Variants in FAF2 observed in about 807,000 individuals in gnomAD.
The protein encoded by FAF2 is Fas associated factor family member 2.
In FAF2, 9 loss-of-function variants were observed where a neutral mutation model predicts 62.3. The observed-to-expected ratio is 0.14, with a 90% CI of 0.09 to 0.25. FAF2 has a LOEUF of 0.25. Among genes scored for constraint, FAF2 ranks in the 10% least tolerant of loss-of-function variants. The pLI, the probability that FAF2 is intolerant of heterozygous loss-of-function variation, is 1.00. For synonymous variants in FAF2, 202 were observed against 198.0 expected, an observed-to-expected ratio of 1.02 and a Z score of -0.17; for missense variants, 368 against 556.2, an observed-to-expected ratio of 0.66 and a Z score of 3.40.
chr5:176,505,826 T>C (rs901390627), intron 10 of FAF2, among the ~76,000 whole-genome samples: 11 of 152,124 alleles, frequency 7.2e-5, no homozygotes, highest in South Asian at 4.1e-4. Context: ...TATTCCATCA[T>C]ATATATATAT....
intron 1 of FAF2, among the ~76,000 whole-genome samples, chr5:176,467,690 A>G (rs1181914110): frequency 6.6e-6 from 1 of 152,244 alleles, no homozygotes; most frequent in East Asian, 1.9e-4. Context: ...CTTACTGTAT[A>G]CCCAAATTGG....
chr5:176,474,525 C>G (rs1758626235), intron 1 of FAF2, among the ~76,000 whole-genome samples: 1 of 152,178 alleles, frequency 6.6e-6, no homozygotes, highest in South Asian at 2.1e-4. Flanking sequence ...TGTGTTCCAT[C>G]CGGAGAGCCT....
chr5:176,471,273 A>C (rs1344224014), intron 1 of FAF2, among the ~76,000 whole-genome samples: 1 of 152,128 alleles, frequency 6.6e-6, no homozygotes, highest in African/African-American at 2.4e-5. Context: ...GCAAACAGGA[A>C]TGACTTACTT....
At chr5:176,474,036 G>A (rs929203780) in intron 1 of FAF2, among the ~76,000 whole-genome samples, 14 of 152,210 alleles carry the variant, frequency 9.2e-5, no homozygotes, top group Admixed American at 8.5e-4. Flanking sequence ...CCAAGTTCTA[G>A]GCATTGGGTG....
rs1211947693 is a variant in FAF2, at chr5:176,471,704, A to T, written c.64-7484A>T. Among the ~76,000 whole-genome samples, 176 of 106,386 alleles carry T rather than the reference A, an allele frequency of 1.7e-3. 1 individual carries two copies. Among genetic ancestry groups the T allele is most frequent in the African/African-American group, 6.3e-3 (166 of 26,508 alleles). The allele number at this position is 106,386 out of a possible 152,430, so 69.8% of individuals were successfully genotyped here. ...GGCCTCTTTTTTTTTTTTTTTTGAGATGGAGTCTCACTCTGTCTGTCACCT... is the reference window on the plus strand; with the variant it reads ...GGCCTCTTTTTTTTTTTTTTTTGAGTTGGAGTCTCACTCTGTCTGTCACCT... On this transcript the variant is annotated intron_variant, in intron 1 of 10. Transcript: ENST00000261942.
chr5:176,484,308 T>C (rs1261769160), intron 2 of FAF2, among the ~76,000 whole-genome samples: 2 of 152,102 alleles, frequency 1.3e-5, no homozygotes, highest in Non-Finnish European at 1.5e-5. Context: ...AAATAAACAA[T>C]TCATAAGTTT....
chr5:176,468,512 A>C (rs1758509699), intron 1 of FAF2, among the ~76,000 whole-genome samples: 1 of 152,140 alleles, frequency 6.6e-6, no homozygotes. Flanking sequence ...TGAACCCGGG[A>C]GGCGCAGCTT....
At chr5:176,488,507 C>T (rs891975090) in intron 3 of FAF2, among the ~76,000 whole-genome samples, 5 of 152,044 alleles carry the variant, frequency 3.3e-5, no homozygotes, top group African/African-American at 4.8e-5. Flanking sequence ...CTGCAACCTC[C>T]GCCTCCTGGG....
chr5:176,454,577 G>GAAAAAAAAAAAAAAAAAAAAAAA (rs56324116), intron 1 of FAF2, among the ~76,000 whole-genome samples: 1 of 95,326 alleles, frequency 1.0e-5, no homozygotes, highest in African/African-American at 4.3e-5. Context: ...GATTCTGTCT[G>GAAAAAAAAAAAAAAAAAAAAAAA]AAAAAAAAAA....
rs1186212293 is a variant in FAF2 at position 176,464,571 on chromosome 5, T to C, written c.64-14617T>C. Among the ~76,000 whole-genome samples, 4 of 146,796 alleles carry C rather than the reference T, an allele frequency of 2.7e-5. No individual in the cohort carries two copies. The East Asian group carries it at 8.1e-4, about 30-fold the overall frequency. ...ACAGTGGCACAACCATAGCTCACTG[T>C]AGCCTCGACCTCCCGGACTCAAGTG... On this transcript the variant is annotated intron_variant, in intron 1 of 10. Coordinates refer to ENST00000261942, the MANE Select transcript of FAF2 (RefSeq NM_014613.3).
At position 176,492,347 on chromosome 5, in the gene FAF2, C is replaced by T; in HGVS notation, c.483+15C>T. On this transcript the variant is annotated intron_variant, in intron 5 of 10. Coordinates refer to ENST00000261942, the MANE Select transcript of FAF2 (RefSeq NM_014613.3). ...CGTACAGCCAGGTCAGTGCCATAAA[C>T]CATATAGATGCCAACTTACCGAAAT... The T allele has an allele frequency of 6.2e-7, 1 of 1,605,834 alleles. No homozygotes were observed. The highest frequency in any genetic ancestry group is 1.1e-5 in the South Asian group (1 of 90,348).
At chr5:176,477,693 G>A (rs927173277) in intron 1 of FAF2, among the ~76,000 whole-genome samples, 19 of 152,174 alleles carry the variant, frequency 1.2e-4, no homozygotes, top group African/African-American at 9.6e-5. Context: ...CTAAAAATCC[G>A]AATTTCAGTT....
intron 2 of FAF2, among the ~76,000 whole-genome samples, chr5:176,485,383 C>G (rs1758857831): frequency 6.6e-6 from 1 of 152,196 alleles, no homozygotes; most frequent in Non-Finnish European, 1.5e-5. Flanking sequence ...GTTGGTCTTT[C>G]TGGCATGGCC....
chr5:176,487,166 G>A (rs972741694), intron 3 of FAF2, among the ~76,000 whole-genome samples: 2 of 152,090 alleles, frequency 1.3e-5, no homozygotes, highest in African/African-American at 4.8e-5. Context: ...AAGCCTTTTT[G>A]TGGAGTACTT....
intron 10 of FAF2, among the ~76,000 whole-genome samples, chr5:176,503,962 G>A (rs1755635954): frequency 6.6e-6 from 1 of 151,978 alleles, no homozygotes; most frequent in Non-Finnish European, 1.5e-5. Flanking sequence ...AGGAGTTCGA[G>A]ACCAGCCTGG....
At chr5:176,471,950 G>A (rs1261139102) in intron 1 of FAF2, among the ~76,000 whole-genome samples, 1 of 152,058 alleles carries the variant, frequency 6.6e-6, no homozygotes, top group Non-Finnish European at 1.5e-5. Context: ...AAAGTGCTGG[G>A]ATTACAGGTG....
At chr5:176,476,278 A>G (rs1012246704) in intron 1 of FAF2, among the ~76,000 whole-genome samples, 3 of 152,174 alleles carry the variant, frequency 2.0e-5, no homozygotes, top group African/African-American at 7.2e-5. Flanking sequence ...AAACAAAGCA[A>G]AACAAAAAAA....
At chr5:176,493,764 C>G (rs1429801839) in intron 5 of FAF2, among the ~76,000 whole-genome samples, 1 of 152,154 alleles carries the variant, frequency 6.6e-6, no homozygotes, top group Non-Finnish European at 1.5e-5. Context: ...AAGTTTGAAT[C>G]CTAACAACAC....
At position 176,494,443 on chromosome 5, in the gene FAF2, G is replaced by A. The variant is rs1050786210; in HGVS notation, c.661+168G>A. ...ATCCTCTCAGCAGTCCTGAGAGATGGGGGGTCATATTACCTTTGCTTTATG... is the reference window on the plus strand; with the variant it reads ...ATCCTCTCAGCAGTCCTGAGAGATGAGGGGTCATATTACCTTTGCTTTATG... On this transcript the variant is annotated intron_variant, in intron 7 of 10. Transcript: ENST00000261942. The surrounding 1 kb of genome is among the most constrained non-coding windows in gnomAD (Gnocchi z 4.0). Among the ~76,000 whole-genome samples the A allele has an allele frequency of 2.6e-5, 4 of 152,198 alleles. No homozygotes were observed. The East Asian group carries it at 7.7e-4, about 29-fold the overall frequency.
Sources: allele counts gnomAD v4.1 joint callset (sites outside exome capture counted in the v4.1 genomes callset), GRCh38; gene constraint gnomAD v4.1.1; non-coding constraint Gnocchi (gnomAD v3.1); transcripts MANE v1.5; gene names NCBI Gene and HGNC (gene_info 2026-07-23, HGNC 2026-07-21).